The following CDH22 variants were observed in gnomAD, a reference collection of about 807,000 sequenced individuals.
CDH22 encodes cadherin-22.
A neutral mutation model predicts 58.4 loss-of-function variants in CDH22; 30 were observed. That is an observed-to-expected ratio of 0.51 (90% CI 0.38 to 0.70). The LOEUF is 0.70. CDH22 is among the 30% of genes least tolerant of loss of function. The probability of loss-of-function intolerance (pLI) is 0.00; values close to 1 mark genes in which losing one functional copy is unlikely to be tolerated. For synonymous variants in CDH22, 513 were observed against 558.2 expected, an observed-to-expected ratio of 0.92 and a Z score of 1.14; for missense variants, 1,014 against 1,233.9, an observed-to-expected ratio of 0.82 and a Z score of 2.67.
At chr20:46,288,382 G>A (rs1005431863) in intron 1 of CDH22, among the ~76,000 whole-genome samples, 32 of 151,860 alleles carry the variant, frequency 2.1e-4, no homozygotes, top group African/African-American at 7.5e-4. Context: ...CCAAGTTTTC[G>A]AAGGCCCCAG....
chr20:46,227,748 C>A (rs1469363021), intron 3 of CDH22, 121 bp from the exon 4 acceptor site: 2 of 1,388,394 alleles, frequency 1.4e-6, no homozygotes, highest in South Asian at 2.8e-5. Context: ...GGGAGGCCAT[C>A]GAATACAGCC....
chr20:46,226,114 A>G (rs2086169316), intron 4 of CDH22, among the ~76,000 whole-genome samples: 1 of 151,998 alleles, frequency 6.6e-6, no homozygotes, highest in African/African-American at 2.4e-5. Flanking sequence ...CTGATTGCCG[A>G]AGCCTGAGCT....
intron 1 of CDH22, among the ~76,000 whole-genome samples, chr20:46,292,373 C>T (rs982755294): frequency 5.3e-5 from 8 of 152,356 alleles, no homozygotes; most frequent in Admixed American, 4.6e-4. Context: ...ACTAGGAAAA[C>T]AGCTGTGGCT....
At chr20:46,289,499 C>G (rs145986744) in intron 1 of CDH22, among the ~76,000 whole-genome samples, 1 of 152,170 alleles carries the variant, frequency 6.6e-6, no homozygotes, top group Non-Finnish European at 1.5e-5. Flanking sequence ...TTGAATGACT[C>G]GCATAGTTTT....
chr20:46,248,859 A>C (rs2145735104), intron 2 of CDH22, among the ~76,000 whole-genome samples: 1 of 152,150 alleles, frequency 6.6e-6, no homozygotes, highest in Admixed American at 6.5e-5. Flanking sequence ...AAACACTTTA[A>C]CTCACACAGG....
intron 1 of CDH22, among the ~76,000 whole-genome samples, chr20:46,266,449 G>T (rs990461645): frequency 6.6e-6 from 1 of 152,198 alleles, no homozygotes; most frequent in African/African-American, 2.4e-5. Flanking sequence ...CCTGCAGGCT[G>T]GTGTGTGTCT....
chr20:46,219,577 C>T (rs1378642842), intron 4 of CDH22, among the ~76,000 whole-genome samples: 2 of 152,170 alleles, frequency 1.3e-5, no homozygotes, highest in East Asian at 1.9e-4. Flanking sequence ...TAACCGTCGC[C>T]TTAGTTCCAA....
At chr20:46,208,321 C>T (rs924105796) in intron 7 of CDH22, among the ~76,000 whole-genome samples, 1 of 152,198 alleles carries the variant, frequency 6.6e-6, no homozygotes, top group Non-Finnish European at 1.5e-5. Context: ...ATACTTACAG[C>T]TCCCAGACCC....
chr20:46,202,086 CA>C (rs1463530194), intron 7 of CDH22, among the ~76,000 whole-genome samples: 1 of 152,098 alleles, frequency 6.6e-6, no homozygotes, highest in African/African-American at 2.4e-5. Context: ...GGAAACTTGC[CA>C]AGCTTAGAGC....
chr20:46,241,379 T>G lies in CDH22; in HGVS notation c.256-122A>C. 1 of 840,012 alleles carries G rather than the reference T, an allele frequency of 1.2e-6. No homozygotes were observed. The highest frequency in any genetic ancestry group is 1.8e-6 in the Non-Finnish European group (1 of 552,274). The allele number at this position is 840,012 out of a possible 1,614,324, so 52.0% of individuals were successfully genotyped here. A position where few individuals can be genotyped will look rare whatever the true frequency, so the allele number is the denominator to read the frequency against. On this transcript the variant is annotated intron_variant, in intron 2 of 11. Transcript: ENST00000537909. This position sits in a 1 kb window ranked among gnomAD's most constrained non-coding sequence, Gnocchi z 5.2. ...CTCTTCTCCAGCACATACACATCTT[T>G]AGTGAGGACACTGAGGCCCAGCAGC...
At position 46,216,280 on chromosome 20, in the gene CDH22, A is replaced by G. The variant is rs975523421; in HGVS notation, c.838+546T>C. 6.6e-6 allele frequency among the ~76,000 whole-genome samples: 1 copy of G among 152,156 alleles called. No homozygotes were observed. The highest frequency in any genetic ancestry group is 2.4e-5 in the African/African-American group (1 of 41,450). Reference sequence around the variant, plus strand: ...GAGGCAGAGGGTGGAAAGGCCTCCTAATTCAGAAGCACAGAGTCGCGCTAC... The same window carrying G: ...GAGGCAGAGGGTGGAAAGGCCTCCTGATTCAGAAGCACAGAGTCGCGCTAC... On this transcript the variant is annotated intron_variant, in intron 5 of 11. Coordinates refer to ENST00000537909, the MANE Select transcript of CDH22 (RefSeq NM_021248.3). The surrounding 1 kb of genome is among the most constrained non-coding windows in gnomAD (Gnocchi z 5.3).
At position 46,241,312 on chromosome 20, in the gene CDH22, C is replaced by T; in HGVS notation, c.256-55G>A. 1 of 1,464,154 alleles carries T rather than the reference C, an allele frequency of 6.8e-7. No homozygotes were observed. The highest frequency in any genetic ancestry group is 9.2e-7 in the Non-Finnish European group (1 of 1,082,824). 90.7% of individuals were successfully genotyped at this position (1,464,154 alleles called of 1,614,324 possible). On this transcript the variant is annotated intron_variant, in intron 2 of 11. Transcript: ENST00000537909. The surrounding 1 kb of genome is among the most constrained non-coding windows in gnomAD (Gnocchi z 5.2). ...AGGCTGAGAAGGAAGCTCCTCTTGG[C>T]CTCACTGTCTCATGCCATTGGCTGC...
chr20:46,265,312 T>TTCC (rs1040763410), intron 1 of CDH22, among the ~76,000 whole-genome samples: 17 of 152,192 alleles, frequency 1.1e-4, no homozygotes, highest in Non-Finnish European at 2.2e-4. Flanking sequence ...TTTTCCCCTC[T>TTCC]TCCTCCTCCT....
intron 8 of CDH22, among the ~76,000 whole-genome samples, chr20:46,197,112 G>C (rs2085909678): frequency 6.6e-6 from 1 of 152,066 alleles, no homozygotes; most frequent in Non-Finnish European, 1.5e-5. Flanking sequence ...GAAAAGGGAG[G>C]CCATGCAGCA....
At chr20:46,196,659 G>A (rs2085905298) in intron 8 of CDH22, among the ~76,000 whole-genome samples, 1 of 152,196 alleles carries the variant, frequency 6.6e-6, no homozygotes, top group African/African-American at 2.4e-5. Flanking sequence ...AGTCAGGCAG[G>A]CTGGGGTTGG....
In CDH22 at chr20:46,210,313, G is replaced by A. The variant is rs1294765015; in HGVS notation, c.1280C>T (p.Pro427Leu). Residue 427 changes from proline (P) to leucine (L), a missense_variant, in exon 7 of 12, where the codon CCC (proline) becomes CTC (leucine). Transcript: ENST00000537909. This position sits in a 1 kb window ranked among gnomAD's most constrained non-coding sequence, Gnocchi z 4.5. Reference protein sequence around the residue: ...TARDPDAANRPVRYAIDRESD... With the variant: ...TARDPDAANRLVRYAIDRESD... ...CCCCGGGCGGGGGTCTCACCGGACG[G>A]GCCGGTTGGCGGCGTCGGGGTCCCG... 3.5e-6 allele frequency: 5 copies of A among 1,443,628 alleles called. No homozygotes were observed. In the Admixed American group the frequency reaches 1.3e-4, roughly 38 times the overall value. The allele number at this position is 1,443,628 out of a possible 1,614,324, so 89.4% of individuals were successfully genotyped here. A position where few individuals can be genotyped will look rare whatever the true frequency, so the allele number is the denominator to read the frequency against.
Position 46,235,606 on chromosome 20 carries a change from C to A in CDH22, c.550+5357G>T, listed in dbSNP as rs2086246717. On this transcript the variant is annotated intron_variant, in intron 3 of 11. Transcript: ENST00000537909. ...CCTGGAGCAGTCCCCATCTCAGCCG[C>A]AGTAGCTCCATCCATTCAGTTGCTC... Among the ~76,000 whole-genome samples the A allele has an allele frequency of 2.6e-5, 4 of 152,334 alleles. No individual in the cohort carries two copies. In the South Asian group the frequency reaches 8.3e-4, roughly 32 times the overall value.
intron 8 of CDH22, among the ~76,000 whole-genome samples, chr20:46,195,555 G>A (rs928007178): frequency 6.6e-6 from 1 of 152,048 alleles, no homozygotes. Context: ...TGAGAGTGTG[G>A]CTGGGTGCCC....
chr20:46,217,040 C>T, intron 4 of CDH22, 47 bp from the exon 5 acceptor site: 1 of 1,550,758 alleles, frequency 6.4e-7, no homozygotes, highest in East Asian at 2.3e-5. Context: ...ACCACCTGCC[C>T]ACTGATGTGG....
Sources: gnomAD v4.1 joint callset for allele counts (sites outside exome capture counted in the v4.1 genomes callset) on GRCh38, gnomAD v4.1.1 for gene constraint, Gnocchi (gnomAD v3.1) non-coding constraint, MANE v1.5 for transcripts, NCBI Gene and HGNC (gene_info 2026-07-23, HGNC 2026-07-21) for gene names.